The following TOP6BL variants were observed in gnomAD, a reference collection of about 807,000 sequenced individuals.
The protein encoded by TOP6BL is type 2 DNA topoisomerase 6 subunit B-like.
At chr11:66,843,351 C>T in the TOP6BL span, 10 of 1,458,246 alleles carry the variant, frequency 6.9e-6, no homozygotes, top group Non-Finnish European at 9.0e-6. Context: ...GCTTCCGCGT[C>T]GGGCCCGGGC....
At chr11:66,828,299 C>T in the TOP6BL span, 39 of 1,613,858 alleles carry the variant, frequency 2.4e-5, no homozygotes, top group Non-Finnish European at 3.1e-5. Context: ...GACCAAACTG[C>T]ACAAAGTATT....
the TOP6BL span, among the ~76,000 whole-genome samples, chr11:66,774,538 C>G: frequency 8.5e-5 from 13 of 152,112 alleles, no homozygotes; most frequent in Non-Finnish European, 1.6e-4. Flanking sequence ...ACTGCAAGCT[C>G]CGCCTCCTGG....
At chr11:66,756,318 G>A in the TOP6BL span, 22 of 1,190,882 alleles carry the variant, frequency 1.8e-5, no homozygotes, top group Non-Finnish European at 1.5e-5. Context: ...GCTACATACA[G>A]TTAACCCCCT....
chr11:66,778,124 A>T, the TOP6BL span, among the ~76,000 whole-genome samples: 1 of 148,406 alleles, frequency 6.7e-6, no homozygotes, highest in Non-Finnish European at 1.5e-5. Context: ...ACAGTCTCAA[A>T]CTCCTGGGCT....
the TOP6BL span, among the ~76,000 whole-genome samples, chr11:66,802,566 G>A: frequency 2.0e-5 from 3 of 152,086 alleles, no homozygotes; most frequent in African/African-American, 7.2e-5. Context: ...TCAAAGAGCT[G>A]GGATTACAGA....
At chr11:66,778,441 G>A in the TOP6BL span, among the ~76,000 whole-genome samples, 13 of 152,054 alleles carry the variant, frequency 8.5e-5, 1 homozygote, top group African/African-American at 3.1e-4. Flanking sequence ...ACTCTAGCCC[G>A]GGCAACAAAG....
chr11:66,818,091 G>A, the TOP6BL span, among the ~76,000 whole-genome samples: 2 of 152,184 alleles, frequency 1.3e-5, no homozygotes, highest in Non-Finnish European at 2.9e-5. Flanking sequence ...ATGTGTTTTC[G>A]TGGGACTCTA....
chr11:66,786,873 G>C, the TOP6BL span, among the ~76,000 whole-genome samples: 3 of 151,420 alleles, frequency 2.0e-5, no homozygotes, highest in East Asian at 5.8e-4. Flanking sequence ...AATTAGGTTT[G>C]AAAAACAAAC....
At chr11:66,755,139 A>G in the TOP6BL span, among the ~76,000 whole-genome samples, 70 of 122,628 alleles carry the variant, frequency 5.7e-4, 2 homozygotes, top group South Asian at 9.0e-3. Context: ...TTTTTTTTTG[A>G]TATAGAGTCT....
the TOP6BL span, among the ~76,000 whole-genome samples, chr11:66,745,699 A>G: frequency 6.6e-6 from 1 of 152,250 alleles, no homozygotes; most frequent in Non-Finnish European, 1.5e-5. Context: ...CATTTTACAA[A>G]TAACCGAACC....
chr11:66,791,442 CAT>C, the TOP6BL span, among the ~76,000 whole-genome samples: 18 of 152,174 alleles, frequency 1.2e-4, no homozygotes, highest in South Asian at 4.1e-4. Context: ...TACATACAAA[CAT>C]ATATATGCAC....
the TOP6BL span, among the ~76,000 whole-genome samples, chr11:66,782,784 C>T: frequency 6.6e-6 from 1 of 152,040 alleles, no homozygotes; most frequent in Non-Finnish European, 1.5e-5. Flanking sequence ...GAGGAGAAGC[C>T]CCAGTACATA....
At chr11:66,773,309 C>T in the TOP6BL span, among the ~76,000 whole-genome samples, 5 of 151,542 alleles carry the variant, frequency 3.3e-5, no homozygotes, top group African/African-American at 1.2e-4. Context: ...TTGCCTCAGC[C>T]TCCTAAAGTG....
At chr11:66,769,717 T>C in the TOP6BL span, among the ~76,000 whole-genome samples, 1 of 151,556 alleles carries the variant, frequency 6.6e-6, no homozygotes, top group East Asian at 1.9e-4. Flanking sequence ...TTTATTTATT[T>C]ATTTATTTAT....
the TOP6BL span, among the ~76,000 whole-genome samples, chr11:66,797,635 G>T: frequency 6.6e-6 from 1 of 152,094 alleles, no homozygotes; most frequent in South Asian, 2.1e-4. Context: ...TCCCTGAGTA[G>T]CTGGGATTAC....
At chr11:66,827,782 T>G in the TOP6BL span, among the ~76,000 whole-genome samples, 1 of 151,602 alleles carries the variant, frequency 6.6e-6, no homozygotes, top group East Asian at 2.0e-4. Context: ...CTTGCCAACA[T>G]AGTGAAACCC....
chr11:66,836,700 A>AT, the TOP6BL span, among the ~76,000 whole-genome samples: 77,474 of 107,632 alleles, frequency 0.72, 28,860 homozygotes, highest in South Asian at 0.85. Flanking sequence ...AGAAAATATG[A>AT]TTTTTTTTTT....
At chr11:66,755,235 C>T in the TOP6BL span, among the ~76,000 whole-genome samples, 1 of 152,062 alleles carries the variant, frequency 6.6e-6, no homozygotes, top group Non-Finnish European at 1.5e-5. Flanking sequence ...GTTCTCCTGC[C>T]TCAGCCTCCT....
chr11:66,833,040 CTTTTTTTTTT>C, the TOP6BL span, among the ~76,000 whole-genome samples: 3 of 117,266 alleles, frequency 2.6e-5, no homozygotes, highest in Admixed American at 9.2e-5. Context: ...ATCTTTCTGC[CTTTTTTTTTT>C]TTTTTTTTTT....
Sources: allele counts gnomAD v4.1 joint callset (sites outside exome capture counted in the v4.1 genomes callset), GRCh38; gene constraint gnomAD v4.1.1; transcripts MANE v1.5; gene names NCBI Gene and HGNC (gene_info 2026-07-23, HGNC 2026-07-21).